Variants in SCCPDH observed in about 807,000 individuals in gnomAD.
SCCPDH encodes saccharopine dehydrogenase (putative), also known as saccharopine dehydrogenase-like oxidoreductase.
In SCCPDH, 34 loss-of-function variants were observed where a neutral mutation model predicts 51.5. The ratio of observed to expected loss-of-function variants is 0.66; its 90% CI spans 0.50 to 0.88. SCCPDH has a LOEUF of 0.88. Ranked by LOEUF, SCCPDH falls within the 40% of genes least tolerant of loss-of-function variation. SCCPDH has a pLI of 0.00. For synonymous variants in SCCPDH, 187 were observed against 191.3 expected, an observed-to-expected ratio of 0.98 and a Z score of 0.19; for missense variants, 464 against 527.1, an observed-to-expected ratio of 0.88 and a Z score of 1.17.
chr1:246,734,472 G>T (rs1165246805), intron 2 of SCCPDH, among the ~76,000 whole-genome samples: 1 of 152,162 alleles, frequency 6.6e-6, no homozygotes, highest in Non-Finnish European at 1.5e-5. Context: ...GAAATCCTTT[G>T]TTCCATGATA....
At position 246,726,941 on chromosome 1, in the gene SCCPDH, T is replaced by C. The variant is rs752255578; in HGVS notation, c.240T>C (p.Ala80=). The part of the protein sequence containing the change: ...SEVGIIICDI[A]NPASLDEMAK... ...TTGGAATCATCATCTGTGATATTGC[T>C]AATCCAGCCTCGCTTGATGAAATGG... The change falls in exon 2 of 12, where the codon GCT becomes GCC. Residue 80 remains alanine, a synonymous_variant. Transcript: ENST00000366510. 18 of 1,614,096 alleles carry C rather than the reference T, an allele frequency of 1.1e-5. No homozygotes were observed. The highest frequency in any genetic ancestry group is 1.5e-5 in the Non-Finnish European group (18 of 1,180,018).
chr1:246,740,377 C>A, intron 4 of SCCPDH, 76 bp downstream of exon 4: 1 of 1,289,494 alleles, frequency 7.8e-7, no homozygotes, highest in Non-Finnish European at 1.0e-6. Flanking sequence ...CTGTGGTGAA[C>A]TAAAATCTAG....
intron 2 of SCCPDH, among the ~76,000 whole-genome samples, chr1:246,728,598 C>T (rs193146733): frequency 6.6e-6 from 1 of 152,356 alleles, no homozygotes; most frequent in Non-Finnish European, 1.5e-5. Flanking sequence ...CTCTCTCCTG[C>T]TCTCTGAAGC....
chr1:246,757,365 AG>A (rs1668946514), intron 5 of SCCPDH, among the ~76,000 whole-genome samples: 1 of 149,406 alleles, frequency 6.7e-6, no homozygotes, highest in Non-Finnish European at 1.5e-5. Context: ...AAAAAAAAAA[AG>A]GGCCAGCGCT....
chr1:246,750,181 C>T (rs1195562118), intron 5 of SCCPDH, among the ~76,000 whole-genome samples: 2 of 152,120 alleles, frequency 1.3e-5, no homozygotes, highest in African/African-American at 4.8e-5. Context: ...AGTTTTCCTT[C>T]CCTTTAGCTT....
At chr1:246,765,416 A>G (rs969071930) in intron 10 of SCCPDH, among the ~76,000 whole-genome samples, 1 of 152,214 alleles carries the variant, frequency 6.6e-6, no homozygotes, top group Non-Finnish European at 1.5e-5. Flanking sequence ...AAGCCAGATG[A>G]TAGTATGTTT....
intron 5 of SCCPDH, among the ~76,000 whole-genome samples, chr1:246,744,905 C>T (rs944267285): frequency 1.3e-5 from 2 of 152,112 alleles, no homozygotes; most frequent in African/African-American, 2.4e-5. Flanking sequence ...GGATTATAGG[C>T]GTGAGCCACT....
rs114774005 is a variant in SCCPDH, at chr1:246,739,466, G to A, written c.385-706G>A. On this transcript the variant is annotated intron_variant, in intron 3 of 11. Transcript: ENST00000366510. ...GAAACCGTCGCAGCCAAAAGAAGCCGAAGGAGACGTAACAACCGAATGTAA... is the reference window on the plus strand; with the variant it reads ...GAAACCGTCGCAGCCAAAAGAAGCCAAAGGAGACGTAACAACCGAATGTAA... Among the ~76,000 whole-genome samples, 692 of 152,278 alleles carry A rather than the reference G, an allele frequency of 4.5e-3. 6 individuals carry two copies. Among genetic ancestry groups the A allele is most frequent in the African/African-American group, 0.015 (641 of 41,564 alleles).
chr1:246,731,515 C>T (rs1255360575), intron 2 of SCCPDH, among the ~76,000 whole-genome samples: 2 of 152,122 alleles, frequency 1.3e-5, no homozygotes, highest in Non-Finnish European at 2.9e-5. Context: ...TGGGAGTTGG[C>T]CCAGCAGAAT....
At chr1:246,727,049 A>G (rs989518227) in intron 2 of SCCPDH, 45 bp downstream of exon 2, 2 of 1,363,204 alleles carry the variant, frequency 1.5e-6, no homozygotes, top group Non-Finnish European at 2.1e-6. Context: ...CAATCCATTC[A>G]TTTCTAGCAA....
chr1:246,754,565 G>A (rs1299261832), intron 5 of SCCPDH, among the ~76,000 whole-genome samples: 1 of 152,166 alleles, frequency 6.6e-6, no homozygotes, highest in Non-Finnish European at 1.5e-5. Context: ...GGCTTTATTC[G>A]GCTGGGAGCT....
chr1:246,732,361 C>G (rs1259555575), intron 2 of SCCPDH, among the ~76,000 whole-genome samples: 2 of 151,492 alleles, frequency 1.3e-5, no homozygotes, highest in Non-Finnish European at 2.9e-5. Flanking sequence ...TTGGTGACTT[C>G]CAGGATAGGT....
Position 246,760,039 on chromosome 1 carries a change from T to G in SCCPDH, c.896T>G (p.Phe299Cys). The G allele has an allele frequency of 6.2e-7, 1 of 1,613,632 alleles. No individual in the cohort carries two copies. The highest frequency in any genetic ancestry group is 8.5e-7 in the Non-Finnish European group (1 of 1,179,734). Residue 299 changes from phenylalanine to cysteine, a missense_variant, in exon 8 of 12, where the codon TTT becomes TGT. By Grantham distance (205) the Phe-to-Cys change is radical. Coordinates refer to ENST00000366510, the MANE Select transcript of SCCPDH (RefSeq NM_016002.3). ...LMFAGLFFLF[F>C]VRFGIGRQLL... is the part of the protein sequence containing the mutation. ...TTTGCAGGACTTTTCTTTTTGTTCT[T>G]TGTGAGGTTTGGAATTGGAAGGCAA...
intron 5 of SCCPDH, among the ~76,000 whole-genome samples, chr1:246,755,078 T>A (rs1292160673): frequency 6.6e-6 from 1 of 152,054 alleles, no homozygotes; most frequent in Admixed American, 6.5e-5. Context: ...TACCTAAGAG[T>A]AAGTAATAGA....
At chr1:246,760,922 A>C (rs1558174645) in intron 9 of SCCPDH, among the ~76,000 whole-genome samples, 1 of 152,070 alleles carries the variant, frequency 6.6e-6, no homozygotes, top group Admixed American at 6.6e-5. Flanking sequence ...AAATCTACCC[A>C]ACTGCAGCTG....
At chr1:246,753,725 C>G (rs1668889592) in intron 5 of SCCPDH, among the ~76,000 whole-genome samples, 1 of 151,776 alleles carries the variant, frequency 6.6e-6, no homozygotes, top group South Asian at 2.1e-4. Flanking sequence ...GCTCTTTCTT[C>G]CCCCGAGAAG....
chr1:246,739,969 ACAAC>A (rs1668654002), intron 3 of SCCPDH, among the ~76,000 whole-genome samples, 199 bp from the exon 4 acceptor site: 1 of 152,242 alleles, frequency 6.6e-6, no homozygotes, highest in African/African-American at 2.4e-5. Context: ...TCAGACGAGC[ACAAC>A]TTCTGTACCA....
At chr1:246,762,655 A>G (rs1200721272) in intron 9 of SCCPDH, among the ~76,000 whole-genome samples, 1 of 152,066 alleles carries the variant, frequency 6.6e-6, no homozygotes, top group East Asian at 1.9e-4. Flanking sequence ...CAGCCTGGCC[A>G]ACAGGTGAAA....
chr1:246,756,215 A>G (rs1354734478), intron 5 of SCCPDH, among the ~76,000 whole-genome samples: 8 of 152,246 alleles, frequency 5.3e-5, no homozygotes, highest in African/African-American at 1.9e-4. Context: ...GAAGCCAAAC[A>G]CTCAGTAATA....
Sources: gnomAD v4.1 joint callset for allele counts (sites outside exome capture counted in the v4.1 genomes callset) on GRCh38, gnomAD v4.1.1 for gene constraint, MANE v1.5 for transcripts, NCBI Gene and HGNC (gene_info 2026-07-23, HGNC 2026-07-21) for gene names.